The following DMD variants were observed in gnomAD, a reference collection of about 807,000 sequenced individuals.
DMD encodes dystrophin.
A neutral mutation model predicts 330.1 loss-of-function variants in DMD; 63 were observed. The ratio of observed to expected loss-of-function variants is 0.19; its 90% confidence interval spans 0.16 to 0.24. The LOEUF (loss-of-function observed/expected upper bound fraction) is 0.24. Ranked by LOEUF, DMD falls within the 10% of genes least tolerant of loss-of-function variation. The probability of loss-of-function intolerance (pLI) is 1.00; values close to 1 mark genes in which losing one functional copy is unlikely to be tolerated. For missense variants in DMD, 3,344 were observed against 2,684.1 expected (o/e 1.25, Z -5.43); for synonymous variants, 1,223 against 959.8 (o/e 1.27, Z -5.07).
chrX:32,329,892 G>C (rs1222939012), intron 41 of DMD, among the ~76,000 whole-genome samples: 1 of 112,454 alleles, frequency 8.9e-6, no homozygotes, highest in Non-Finnish European at 1.9e-5. Flanking sequence ...TCTTAAGTTT[G>C]TACAGATATG....
chrX:32,877,359 G>T (rs2083456999), intron 2 of DMD, among the ~76,000 whole-genome samples: 1 of 112,633 alleles, frequency 8.9e-6, no homozygotes, highest in African/African-American at 3.2e-5. Flanking sequence ...GTAAAGTCAA[G>T]AAGCAGGAAT....
chrX:32,730,456 T>C (rs768686765), intron 7 of DMD, among the ~76,000 whole-genome samples: 4 of 112,235 alleles, frequency 3.6e-5, no homozygotes, highest in East Asian at 2.8e-4. Context: ...AAAAACAATT[T>C]GAATGTTTAT....
At chrX:32,811,268 C>T (rs894024553) in intron 6 of DMD, among the ~76,000 whole-genome samples, 1 of 109,854 alleles carries the variant, frequency 9.1e-6, no homozygotes, top group Admixed American at 9.8e-5. Context: ...TCACTTGAGC[C>T]TGGGTGGCTA....
At position 32,816,595 on chromosome X, in the gene DMD, T is replaced by C. The variant is rs751881330; in HGVS notation, c.403A>G (p.Asn135Asp). The change falls in exon 6 of 79, where the codon AAC becomes GAC. Residue 135 changes from asparagine to aspartate, a missense_variant. Coordinates refer to ENST00000357033, the MANE Select transcript of DMD (RefSeq NM_004006.3). ...CAGCTCAGGAGAATCTTTTCACTGT[T>C]GGTTTGTTGCAATCCAGCCATGATA... is the stretch of plus-strand genomic sequence containing the variant. ...KNIMAGLQQTNSEKILLSWVR... is the reference protein window; with the variant it reads ...KNIMAGLQQTDSEKILLSWVR... 3 of 1,211,792 alleles carry C rather than the reference T, an allele frequency of 2.5e-6. No homozygotes were observed. The highest frequency in any genetic ancestry group is 3.4e-6 in the Non-Finnish European group (3 of 895,406).
At chrX:31,990,870 CAAAT>C (rs2095545557) in intron 44 of DMD, among the ~76,000 whole-genome samples, 1 of 111,854 alleles carries the variant, frequency 8.9e-6, no homozygotes, top group African/African-American at 3.2e-5. Flanking sequence ...TATAAAAAGT[CAAAT>C]AAAGTTTTAA....
At chrX:32,206,335 A>G (rs113209903) in intron 44 of DMD, 59,465 of 530,159 alleles carry the variant, frequency 0.11, 2,885 homozygotes, top group Admixed American at 0.18. Flanking sequence ...GGTGGTAGCA[A>G]GGTTCCACAG....
At chrX:32,394,912 A>AC (rs2098029890) in intron 30 of DMD, among the ~76,000 whole-genome samples, 1 of 36,075 alleles carries the variant, frequency 2.8e-5, no homozygotes, top group Non-Finnish European at 5.7e-5. Flanking sequence ...AAAAAACAAA[A>AC]AAACAAAAAA....
At chrX:32,727,673 T>C (rs912343429) in intron 7 of DMD, among the ~76,000 whole-genome samples, 3 of 111,107 alleles carry the variant, frequency 2.7e-5, no homozygotes, top group Admixed American at 1.9e-4. Context: ...AACAAATGTG[T>C]TAAAAGTATT....
chrX:32,841,857 G>C (rs909874413), intron 4 of DMD, among the ~76,000 whole-genome samples: 1 of 111,934 alleles, frequency 8.9e-6, no homozygotes, highest in Non-Finnish European at 1.9e-5. Context: ...TGGAGAACTT[G>C]TTTTTATTAA....
chrX:31,290,045 C>A (rs760060470), intron 62 of DMD, among the ~76,000 whole-genome samples: 13 of 108,049 alleles, frequency 1.2e-4, no homozygotes, highest in African/African-American at 4.4e-4. Context: ...CTCAGCCTCC[C>A]GAGTAGCTGG....
intron 33 of DMD, among the ~76,000 whole-genome samples, chrX:32,381,453 T>G (rs1231689435): frequency 9.0e-6 from 1 of 111,546 alleles, no homozygotes; most frequent in Non-Finnish European, 1.9e-5. Context: ...GTGCCTATAT[T>G]TTGTTAAGAT....
At chrX:32,739,511 A>C (rs1310843011) in intron 7 of DMD, among the ~76,000 whole-genome samples, 5 of 111,950 alleles carry the variant, frequency 4.5e-5, no homozygotes. Flanking sequence ...TATAGGCAAT[A>C]CTTCTAGTTA....
chrX:31,326,282 T>C (rs1347485725), intron 61 of DMD, among the ~76,000 whole-genome samples: 1 of 111,393 alleles, frequency 9.0e-6, no homozygotes, highest in Non-Finnish European at 1.9e-5. Context: ...AGAGAAGTTA[T>C]CAGAATATGC....
In DMD at chrX:32,491,299, T is replaced by G. The variant is rs766057861; in HGVS notation, c.2600A>C (p.Lys867Thr). Reference sequence around the variant, plus strand: ...TACCTTACAAATTTTTAACTGACTTTTAATTGCTGTTGGCTCTGATGGGGT... The same window carrying G: ...TACCTTACAAATTTTTAACTGACTTGTAATTGCTGTTGGCTCTGATGGGGT... ...PTTPSEPTAI[K>T]SQLKICKDEV... The change falls in exon 20 of 79, where the codon AAA becomes ACA. Residue 867 changes from lysine (K) to threonine (T), a missense_variant. Lys to Thr is a moderately conservative substitution (Grantham distance 78). Coordinates refer to ENST00000357033, the MANE Select transcript of DMD (RefSeq NM_004006.3). 8.3e-7 allele frequency: 1 copy of G among 1,211,812 alleles called. No homozygotes were observed. The highest frequency in any genetic ancestry group is 2.2e-5 in the Admixed American group (1 of 46,027).
intron 44 of DMD, among the ~76,000 whole-genome samples, chrX:32,147,874 CTTCT>C (rs1415824108): frequency 2.4e-4 from 24 of 98,868 alleles, no homozygotes; most frequent in Non-Finnish European, 3.6e-4. Flanking sequence ...AAAAAAATTT[CTTCT>C]TTTTTTTTTT....
chrX:32,158,674 G>A lies in DMD; in HGVS notation c.6438+58242C>T, dbSNP rs1288801850. On this transcript the variant is annotated intron_variant, in intron 44 of 78. Coordinates refer to ENST00000357033, the MANE Select transcript of DMD (RefSeq NM_004006.3). ...CGTCAATTACTAGATGCTTGTCTAC[G>A]GCAGGTGATGTGCAGGACATAGATA... Among the ~76,000 whole-genome samples the A allele has an allele frequency of 6.3e-5, 7 of 111,057 alleles. No homozygotes were observed. In the South Asian group the frequency reaches 1.5e-3, roughly 24 times the overall value.
intron 29 of DMD, among the ~76,000 whole-genome samples, chrX:32,437,064 GAAAT>G (rs757538361): frequency 3.6e-4 from 40 of 111,852 alleles, no homozygotes; most frequent in African/African-American, 1.3e-3. Flanking sequence ...TATTCAAATA[GAAAT>G]AAAAACACAT....
chrX:32,920,780 G>C (rs1349580146), intron 2 of DMD, among the ~76,000 whole-genome samples: 1 of 112,031 alleles, frequency 8.9e-6, no homozygotes, highest in Non-Finnish European at 1.9e-5. Flanking sequence ...GTAGGGAATA[G>C]CAAATAAATG....
At chrX:32,252,773 A>ATAAATATATAAATATATATAAAT (rs1557243551) in intron 43 of DMD, among the ~76,000 whole-genome samples, 1 of 35,862 alleles carries the variant, frequency 2.8e-5, no homozygotes, top group Non-Finnish European at 4.3e-5. Flanking sequence ...AATATATATA[A>ATAAATATATAAATATATATAAAT]ATATATATAA....
Sources: allele counts gnomAD v4.1 joint callset (sites outside exome capture counted in the v4.1 genomes callset), GRCh38; gene constraint gnomAD v4.1.1; transcripts MANE v1.5; gene names NCBI Gene and HGNC (gene_info 2026-07-23, HGNC 2026-07-21).